Variants in RARB observed in about 807,000 individuals in gnomAD.
RARB encodes retinoic acid receptor beta.
In RARB, 17 loss-of-function variants were observed where a neutral mutation model predicts 51.9. The ratio of observed to expected loss-of-function variants is 0.33; its 90% confidence interval spans 0.22 to 0.49. The LOEUF (loss-of-function observed/expected upper bound fraction) is 0.49, where lower values mean the gene tolerates loss of function less well. RARB is among the 20% of genes least tolerant of loss of function. The pLI, the probability that RARB is intolerant of heterozygous loss-of-function variation, is 0.99. For missense variants in RARB, 369 were observed against 550.8 expected, an observed-to-expected ratio of 0.67 and a Z score of 3.30; for synonymous variants, 215 against 195.4, an observed-to-expected ratio of 1.10 and a Z score of -0.84.
chr3:25,050,775 C>T (rs1698317316), intron 2 of RARB, among the ~76,000 whole-genome samples: 1 of 152,160 alleles, frequency 6.6e-6, no homozygotes, highest in Admixed American at 6.5e-5. Context: ...ATAGTTATAT[C>T]ATAATTAATC....
chr3:24,932,212 T>C (rs1168356799), intron 2 of RARB, among the ~76,000 whole-genome samples: 2 of 151,960 alleles, frequency 1.3e-5, no homozygotes, highest in East Asian at 3.9e-4. Context: ...ATGTCCTTGA[T>C]CTATAGGGCA....
Position 25,059,184 on chromosome 3 carries a change from A to G in RARB, c.-379-941A>G, listed in dbSNP as rs567267068. On this transcript the variant is annotated intron_variant, in intron 2 of 11. Transcript: ENST00000383772. The stretch of plus-strand genomic sequence containing the variant: ...TAATTTTAGTGGCTGCATAGTATTT[A>G]ATTACATTGTTGCATCTCAGTTGAG... 3.9e-5 allele frequency among the ~76,000 whole-genome samples: 6 copies of G among 151,924 alleles called. 1 individual carries two copies. Among genetic ancestry groups the G allele is most frequent in the African/African-American group, 1.4e-4 (6 of 41,518 alleles).
chr3:24,998,735 T>C (rs567593279), intron 2 of RARB, among the ~76,000 whole-genome samples: 2 of 152,264 alleles, frequency 1.3e-5, no homozygotes, highest in Non-Finnish European at 2.9e-5. Context: ...GAAACTCAGC[T>C]AGTTCTTACA....
intron 3 of RARB, among the ~76,000 whole-genome samples, chr3:25,081,789 C>T (rs888430310): frequency 5.3e-5 from 8 of 149,780 alleles, no homozygotes; most frequent in East Asian, 2.0e-4. Flanking sequence ...CCCACCAGCT[C>T]GCCCAGCTAA....
At chr3:25,277,370 G>T (rs923648608) in intron 5 of RARB, among the ~76,000 whole-genome samples, 1 of 152,172 alleles carries the variant, frequency 6.6e-6, no homozygotes, top group Non-Finnish European at 1.5e-5. Flanking sequence ...AAGAACTCCA[G>T]TGAATCACTA....
intron 5 of RARB, among the ~76,000 whole-genome samples, chr3:25,175,033 T>A (rs931475620): frequency 2.6e-5 from 4 of 152,220 alleles, no homozygotes; most frequent in African/African-American, 9.6e-5. Context: ...GTTCTCAACT[T>A]CCCATAGACC....
intron 5 of RARB, among the ~76,000 whole-genome samples, chr3:25,260,668 C>G (rs1052663560): frequency 1.3e-5 from 2 of 152,044 alleles, no homozygotes; most frequent in African/African-American, 4.8e-5. Flanking sequence ...TCCTCTAGTG[C>G]TCAGATGAGA....
rs112055165 is a variant in RARB at position 25,355,022 on chromosome 3, A to G, written c.179-106171A>G. 8.1e-3 allele frequency among the ~76,000 whole-genome samples: 1,238 copies of G among 152,268 alleles called. 10 individuals carry two copies. Among genetic ancestry groups the G allele is most frequent in the Non-Finnish European group, 0.014 (983 of 68,002 alleles). ...TTCATAAGCTGTGCAACTTTGGGCA[A>G]GTTATAGCACCTTGCTGGGTCTACA... On this transcript the variant is annotated intron_variant, in intron 5 of 11. Coordinates refer to the RARB transcript ENST00000383772.
At chr3:25,056,944 G>C (rs1698453351) in intron 2 of RARB, among the ~76,000 whole-genome samples, 1 of 152,028 alleles carries the variant, frequency 6.6e-6, no homozygotes, top group East Asian at 1.9e-4. Context: ...ACTAAGCCTT[G>C]AAGTAAACCA....
intron 2 of RARB, among the ~76,000 whole-genome samples, chr3:25,022,677 A>C (rs1697663805): frequency 6.6e-6 from 1 of 152,114 alleles, no homozygotes. Flanking sequence ...TGAATTTCTA[A>C]ACAGGGAGGA....
At chr3:25,477,720 C>T (rs183695837) in intron 2 of RARB, among the ~76,000 whole-genome samples, 47 of 152,246 alleles carry the variant, frequency 3.1e-4, no homozygotes, top group African/African-American at 9.9e-4. Context: ...TAAAATGACC[C>T]TTAAATCACC....
In RARB at chr3:25,428,897, A is replaced by AT. The variant is rs755442951; in HGVS notation, c.157+16dup. The stretch of plus-strand genomic sequence containing the variant: ...TCGGCACACTGCTCAATGTAGGTTT[A>AT]TTTTTTTCCCTTCTTCTACCAAGAA... On this transcript the variant is annotated intron_variant, in intron 1 of 7. Transcript: ENST00000330688. 9 of 1,583,008 alleles carry AT rather than the reference A, an allele frequency of 5.7e-6. No individual in the cohort carries two copies. The highest frequency in any genetic ancestry group is 7.8e-6 in the Non-Finnish European group (9 of 1,159,988).
At chr3:24,946,982 C>T (rs970804952) in intron 2 of RARB, among the ~76,000 whole-genome samples, 1 of 152,154 alleles carries the variant, frequency 6.6e-6, no homozygotes, top group African/African-American at 2.4e-5. Context: ...AAAAGACATG[C>T]TGAATTTCTC....
chr3:25,183,655 A>C (rs1700912929), intron 5 of RARB, among the ~76,000 whole-genome samples: 1 of 152,094 alleles, frequency 6.6e-6, no homozygotes, highest in African/African-American at 2.4e-5. Flanking sequence ...ACATCGCCTT[A>C]TTGGCTTATC....
At chr3:25,135,603 C>T (rs186967346) in intron 4 of RARB, among the ~76,000 whole-genome samples, 395 of 151,964 alleles carry the variant, frequency 2.6e-3, no homozygotes, top group Non-Finnish European at 3.3e-3. Context: ...TGAACAGTTG[C>T]GTGCAACATA....
intron 5 of RARB, among the ~76,000 whole-genome samples, chr3:25,406,366 G>A (rs1206027295): frequency 2.0e-5 from 3 of 152,158 alleles, no homozygotes; most frequent in Non-Finnish European, 4.4e-5. Flanking sequence ...CCACAGACTG[G>A]GCGGCTCAAA....
rs537303166 is a variant in RARB, at chr3:25,280,528, C to A, written c.178+105953C>A. Among the ~76,000 whole-genome samples, 12 of 152,240 alleles carry A rather than the reference C, an allele frequency of 7.9e-5. No homozygotes were observed. In the South Asian group the frequency reaches 2.5e-3, roughly 32 times the overall value. On this transcript the variant is annotated intron_variant, in intron 5 of 11. Transcript: ENST00000383772. Reference sequence around the variant, plus strand: ...GAATGCTTAGAAATGTTGGAAAGGTCACTAGACTTTTCACAGAACATGGGG... The same window carrying A: ...GAATGCTTAGAAATGTTGGAAAGGTAACTAGACTTTTCACAGAACATGGGG...
chr3:25,131,677 T>C (rs911998002), intron 3 of RARB, among the ~76,000 whole-genome samples: 1 of 151,958 alleles, frequency 6.6e-6, no homozygotes, highest in African/African-American at 2.4e-5. Flanking sequence ...ATAGGAAATA[T>C]ATCAAGGCGG....
In RARB at chr3:24,858,468, A is replaced by C. The variant is rs370601136; in HGVS notation, c.-458-206A>C. On this transcript the variant is annotated intron_variant, in intron 1 of 11. Transcript: ENST00000383772. ...CTATCGTGTGATTCCCTCCTTGTGA[A>C]CGGGTACAGCTTCAGTGAAGAAGTT... Among the ~76,000 whole-genome samples, 24 of 152,204 alleles carry C rather than the reference A, an allele frequency of 1.6e-4. No homozygotes were observed. In the South Asian group the frequency reaches 5.0e-3, roughly 31 times the overall value.
Sources: gnomAD v4.1 joint callset for allele counts (sites outside exome capture counted in the v4.1 genomes callset) on GRCh38, gnomAD v4.1.1 for gene constraint, MANE v1.5 for transcripts, NCBI Gene and HGNC (gene_info 2026-07-23, HGNC 2026-07-21) for gene names.